Variants in TTLL10 observed in about 807,000 individuals in gnomAD.
The protein encoded by TTLL10 is tubulin tyrosine ligase like 10, also known as inactive polyglycylase TTLL10.
A neutral mutation model predicts 69.0 loss-of-function variants in TTLL10; 61 were observed. The ratio of observed to expected loss-of-function variants is 0.88; its 90% CI spans 0.72 to 1.09. TTLL10 has a LOEUF of 1.09. TTLL10 is among the 50% of genes least tolerant of loss of function. The pLI is 0.00. For missense variants in TTLL10, 962 were observed against 945.9 expected, an observed-to-expected ratio of 1.02 and a Z score of -0.22; for synonymous variants, 408 against 393.3, an observed-to-expected ratio of 1.04 and a Z score of -0.44.
intron 3 of TTLL10, among the ~76,000 whole-genome samples, chr1:1,177,316 T>C (rs1557470800): frequency 6.6e-6 from 1 of 150,382 alleles, no homozygotes; most frequent in Non-Finnish European, 1.5e-5. Flanking sequence ...CTGTGTGTCA[T>C]TCTTTTTTTT....
At chr1:1,190,552 C>T (rs796822224) in intron 13 of TTLL10, among the ~76,000 whole-genome samples, 51 of 151,802 alleles carry the variant, frequency 3.4e-4, no homozygotes, top group East Asian at 1.8e-3. Flanking sequence ...CTCAGCTTCC[C>T]GAGTAGCTGG....
chr1:1,180,653 G>A lies in TTLL10; in HGVS notation c.625+52G>A, dbSNP rs377734182. ...GCAGCCTGCAGGGGCCTCCTGGGCC[G>A]GAGCACAGGGCAGGTTGGAGGGGTG... On this transcript the variant is annotated intron_variant, in intron 7 of 15. Transcript: ENST00000379289. 2.1e-5 allele frequency: 33 copies of A among 1,555,350 alleles called. 2 individuals are homozygous for A. The highest frequency in any genetic ancestry group is 1.9e-4 in the East Asian group (8 of 41,146).
intron 13 of TTLL10, among the ~76,000 whole-genome samples, chr1:1,188,932 T>C (rs1334100489): frequency 1.3e-5 from 2 of 152,248 alleles, no homozygotes; most frequent in African/African-American, 4.8e-5. Context: ...ATAGAATTAT[T>C]TTTTAAATTT....
Position 1,197,607 on chromosome 1 carries a change from G to A in TTLL10, c.1782G>A (p.Lys594=). ...CGCCCCTGCCCACCCGCCAGGCCAA[G>A]TCCTCCGGGCCACCCATGCCGCATG... The part of the protein sequence containing the change: ...RWPPLPTRQA[K]SSGPPMPHAP... Residue 594 remains lysine, a synonymous_variant, in exon 16 of 16, where the codon AAG becomes AAA. Transcript: ENST00000379289. 6.6e-7 allele frequency: 1 copy of A among 1,514,288 alleles called. No homozygotes were observed. The highest frequency in any genetic ancestry group is 1.2e-5 in the South Asian group (1 of 81,730). The allele number at this position is 1,514,288 out of a possible 1,614,324, so 93.8% of individuals were successfully genotyped here. A position where few individuals can be genotyped will look rare whatever the true frequency, so the allele number is the denominator to read the frequency against.
intron 12 of TTLL10, 131 bp downstream of exon 12, chr1:1,184,222 C>G: frequency 7.6e-7 from 1 of 1,324,368 alleles, no homozygotes; most frequent in Non-Finnish European, 1.0e-6. Context: ...GTGTCTCAGG[C>G]CTGGAAGTAG....
At chr1:1,196,976 G>A (rs1321374403) in intron 14 of TTLL10, 117 bp from the exon 15 acceptor site, 2 of 1,025,868 alleles carry the variant, frequency 1.9e-6, no homozygotes, top group South Asian at 1.5e-5. Flanking sequence ...AGGGGAGCAA[G>A]GCTATAGGAA....
rs1006748926 is a variant in TTLL10, at chr1:1,197,686, C to A, written c.1861C>A (p.Arg621Ser). ...TGCGCCACCTCCCTTGGTGCCGCAG[C>A]GTCCCCGGCCACCCGGCCCCGACCT... ...RPAPPPLVPQ[R>S]PRPPGPDLDS... Residue 621 changes from arginine (R) to serine (S), a missense_variant, in exon 16 of 16, where the codon CGT (arginine) becomes AGT (serine). Transcript: ENST00000379289. 25 of 1,506,338 alleles carry A rather than the reference C, an allele frequency of 1.7e-5. No individual in the cohort carries two copies. The highest frequency in any genetic ancestry group is 2.3e-4 in the Middle Eastern group (1 of 4,438). 93.3% of individuals were successfully genotyped at this position (1,506,338 alleles called of 1,614,324 possible).
intron 13 of TTLL10, among the ~76,000 whole-genome samples, chr1:1,195,453 T>A (rs1293763247): frequency 1.3e-5 from 2 of 151,254 alleles, no homozygotes; most frequent in Non-Finnish European, 2.9e-5. Context: ...ATAATTTTTC[T>A]CTCTTCACCA....
At chr1:1,180,688 G>A (rs1647029498) in intron 7 of TTLL10, 43 bp from the exon 8 acceptor site, 4 of 1,579,090 alleles carry the variant, frequency 2.5e-6, no homozygotes, top group South Asian at 1.2e-5. Flanking sequence ...GGGGACCGAG[G>A]TCCTGCGCTC....
At chr1:1,180,982 GGC>G (rs1647048012) in intron 8 of TTLL10, 122 bp downstream of exon 8, 3 of 862,846 alleles carry the variant, frequency 3.5e-6, no homozygotes, top group African/African-American at 2.4e-5. Flanking sequence ...CCCTGCCCCT[GGC>G]CACCCAGGCT....
Position 1,180,057 on chromosome 1 carries a change from G to A in TTLL10, c.223G>A (p.Gly75Arg). The change falls in exon 6 of 16, where the codon GGG becomes AGG. Residue 75 changes from glycine (G) to arginine (R), a missense_variant. By Grantham distance (125) the Gly-to-Arg change is moderately radical (BLOSUM62 -2). Transcript: ENST00000379289. The stretch of plus-strand genomic sequence containing the variant: ...AGGCCCGGCCCACGAGAGGCCAATG[G>A]GGAGCAGCCAGGAGGAGGGACTCCG... The part of the protein sequence containing the change: ...PVGPAHERPM[G>R]SSQEEGLRCQ... The A allele has an allele frequency of 6.3e-7, 1 of 1,583,256 alleles. No individual in the cohort carries two copies.
Position 1,180,797 on chromosome 1 carries a change from C to G in TTLL10, c.692C>G (p.Thr231Ser). Residue 231 changes from threonine (T) to serine (S), a missense_variant, in exon 8 of 16, where the codon ACC (threonine) becomes AGC (serine). Coordinates refer to ENST00000379289, the MANE Select transcript of TTLL10 (RefSeq NM_001130045.2). ...ACCACCAAGATCGGGCTGCTCAGCA[C>G]CCTTCGGGGACGGGCACGGGCCATG... ...LLTTKIGLLSTLRGRARAMSK... is the reference protein window; with the variant it reads ...LLTTKIGLLSSLRGRARAMSK... 6.2e-7 allele frequency: 1 copy of G among 1,605,984 alleles called. No homozygotes were observed. The highest frequency in any genetic ancestry group is 1.1e-5 in the South Asian group (1 of 89,242).
chr1:1,182,854 G>C lies in TTLL10; in HGVS notation c.917-22G>C. 3 of 1,541,096 alleles carry C rather than the reference G, an allele frequency of 1.9e-6. No homozygotes were observed. The East Asian group carries it at 7.2e-5, about 37-fold the overall frequency. ...GGCTGGGTTGGGGGCGAGGCCAGGGGCTCAGGCCGCGCTCTCTGCAGAAAC... is the reference window on the plus strand; with the variant it reads ...GGCTGGGTTGGGGGCGAGGCCAGGGCCTCAGGCCGCGCTCTCTGCAGAAAC... On this transcript the variant is annotated intron_variant, in intron 10 of 15. Coordinates refer to ENST00000379289, the MANE Select transcript of TTLL10 (RefSeq NM_001130045.2).
rs1466023440 is a variant in TTLL10 at position 1,182,369 on chromosome 1, G to A, written c.839G>A (p.Arg280Lys). The A allele has an allele frequency of 1.9e-6, 3 of 1,613,912 alleles. No homozygotes were observed. The highest frequency in any genetic ancestry group is 1.7e-5 in the Admixed American group (1 of 60,022). The stretch of plus-strand genomic sequence containing the variant: ...GCCTCCCTGCCCTGCAGGGTCCTGA[G>A]AATGGAAGAGTTTTTCCCAGAGACC... Reference protein sequence around the residue: ...PGYLRPQRVLRMEEFFPETYR... With the variant: ...PGYLRPQRVLKMEEFFPETYR... Residue 280 changes from arginine (R) to lysine (K), a missense_variant, in exon 10 of 16, where the codon AGA becomes AAA. Coordinates refer to ENST00000379289, the MANE Select transcript of TTLL10 (RefSeq NM_001130045.2).
At chr1:1,188,653 C>T (rs756317535) in intron 13 of TTLL10, among the ~76,000 whole-genome samples, 14 of 152,314 alleles carry the variant, frequency 9.2e-5, no homozygotes, top group Admixed American at 2.0e-4. Flanking sequence ...GATCTGCCCA[C>T]CTCAGCATCT....
Position 1,180,471 on chromosome 1 carries a change from C to A in TTLL10, c.507-12C>A. On this transcript the variant is annotated splice_polypyrimidine_tract_variant and intron_variant, in intron 6 of 15. Transcript: ENST00000379289. ...TCGGCCCCCAGGTCACCCCCGCCCCCACCCCTCGCAGCATCAGCTCCTACT... is the reference window on the plus strand; with the variant it reads ...TCGGCCCCCAGGTCACCCCCGCCCCAACCCCTCGCAGCATCAGCTCCTACT... 1 of 1,547,482 alleles carries A rather than the reference C, an allele frequency of 6.5e-7. No homozygotes were observed. Among genetic ancestry groups the A allele is most frequent in the South Asian group, 1.2e-5 (1 of 83,970 alleles).
At chr1:1,195,173 TAG>T (rs1239845785) in intron 13 of TTLL10, among the ~76,000 whole-genome samples, 5 of 152,204 alleles carry the variant, frequency 3.3e-5, no homozygotes, top group African/African-American at 1.2e-4. Flanking sequence ...GTATATTTAG[TAG>T]AGACGAGGTT....
Position 1,180,546 on chromosome 1 carries a change from C to T in TTLL10, c.570C>T (p.Tyr190=), listed in dbSNP as rs745494777. The T allele has an allele frequency of 9.7e-6, 15 of 1,552,808 alleles. No homozygotes were observed. Among genetic ancestry groups the T allele is most frequent in the Non-Finnish European group, 1.2e-5 (14 of 1,147,836 alleles). Residue 190 remains tyrosine, a synonymous_variant, in exon 7 of 16, where the codon TAC becomes TAT. Transcript: ENST00000379289. Reference sequence around the variant, plus strand: ...TCCATGACAGCCGCCGGGACGACTACACGCTGAAGTGGTGTGAGGTCAAGA... The same window carrying T: ...TCCATGACAGCCGCCGGGACGACTATACGCTGAAGTGGTGTGAGGTCAAGA... ...QRIHDSRRDD[Y]TLKWCEVKSR...
In TTLL10 at chr1:1,181,666, A is replaced by G; in HGVS notation, c.756-75A>G. The G allele has an allele frequency of 1.5e-6, 2 of 1,375,756 alleles. No individual in the cohort carries two copies. The highest frequency in any genetic ancestry group is 2.6e-5 in the South Asian group (2 of 76,780). The allele number at this position is 1,375,756 out of a possible 1,614,324, so 85.2% of individuals were successfully genotyped here. ...TCCGCCCACTCACCACCCATGCCCC[A>G]TCCCCCAGTCCCCACCCGCTCCAAG... On this transcript the variant is annotated intron_variant, in intron 8 of 15. Transcript: ENST00000379289. This position sits in a 1 kb window ranked among gnomAD's most constrained non-coding sequence, Gnocchi z 4.6.
Sources: allele counts gnomAD v4.1 joint callset (sites outside exome capture counted in the v4.1 genomes callset), GRCh38; gene constraint gnomAD v4.1.1; non-coding constraint Gnocchi (gnomAD v3.1); transcripts MANE v1.5; gene names NCBI Gene and HGNC (gene_info 2026-07-23, HGNC 2026-07-21).